The following PTPN18 variants were observed in gnomAD, a reference collection of about 807,000 sequenced individuals.
The protein encoded by PTPN18 is protein tyrosine phosphatase non-receptor type 18.
PTPN18 carries 65 observed loss-of-function variants against 65.4 expected under a neutral mutation model. The observed-to-expected ratio is 0.99, with a 90% confidence interval of 0.81 to 1.22. PTPN18 has a LOEUF of 1.22. PTPN18 is among the 50% of genes most tolerant of loss of function. PTPN18 has a pLI of 0.00. For missense variants in PTPN18, 616 were observed against 646.5 expected, an observed-to-expected ratio of 0.95 and a Z score of 0.51; for synonymous variants, 255 against 267.8, an observed-to-expected ratio of 0.95 and a Z score of 0.47.
intron 13 of PTPN18, 77 bp from the exon 14 acceptor site, chr2:130,372,796 G>T: frequency 6.5e-7 from 1 of 1,537,150 alleles, no homozygotes; most frequent in Non-Finnish European, 8.9e-7. Context: ...CTCCGGGGAA[G>T]CGTCCCCGCT....
chr2:130,363,276 G>A lies in PTPN18; in HGVS notation c.414+3630G>A, dbSNP rs562080605. Among the ~76,000 whole-genome samples the A allele has an allele frequency of 2.2e-4, 33 of 151,204 alleles. 1 individual carries two copies. The highest frequency in any genetic ancestry group is 7.8e-4 in the African/African-American group (32 of 41,276). ...ATCCTGGCCAACATAGTGAAACCCC[G>A]TCTCTACTAAAAATACAAACATTAG... On this transcript the variant is annotated intron_variant, in intron 5 of 14. Coordinates refer to ENST00000175756, the MANE Select transcript of PTPN18 (RefSeq NM_014369.4).
In PTPN18 at chr2:130,373,064, G is replaced by T; in HGVS notation, c.1316-93G>T. 3.2e-6 allele frequency: 5 copies of T among 1,541,698 alleles called. No homozygotes were observed. On this transcript the variant is annotated intron_variant, in intron 14 of 14. Coordinates refer to ENST00000175756, the MANE Select transcript of PTPN18 (RefSeq NM_014369.4). This position sits in a 1 kb window ranked among gnomAD's most constrained non-coding sequence, Gnocchi z 4.1. ...GGATGTGGCTGCAGTGAACCAGGAG[G>T]ACCTGGAGGCGGGGGGATGGCCTTC... is the stretch of plus-strand genomic sequence containing the variant.
intron 5 of PTPN18, among the ~76,000 whole-genome samples, chr2:130,367,254 A>C (rs974074799): frequency 6.6e-6 from 1 of 151,994 alleles, no homozygotes. Context: ...CATTTGTCTG[A>C]AAAGGTTTTC....
intron 1 of PTPN18, among the ~76,000 whole-genome samples, chr2:130,357,312 G>A (rs533473312): frequency 6.6e-6 from 1 of 152,372 alleles, no homozygotes; most frequent in South Asian, 2.1e-4. Context: ...GTACATTACA[G>A]TTGATGACGT....
chr2:130,370,483 C>T (rs939943822), intron 8 of PTPN18, 74 bp from the exon 9 acceptor site: 3 of 1,547,278 alleles, frequency 1.9e-6, no homozygotes, highest in African/African-American at 2.7e-5. Context: ...GACCCTCACC[C>T]CCATCCCCAA....
intron 12 of PTPN18, among the ~76,000 whole-genome samples, chr2:130,371,830 A>G (rs1044941928): frequency 1.3e-5 from 2 of 152,092 alleles, no homozygotes; most frequent in African/African-American, 4.8e-5. Context: ...AACAACAAAA[A>G]AAATTCAGCA....
intron 5 of PTPN18, among the ~76,000 whole-genome samples, chr2:130,364,954 G>A (rs748945322): frequency 6.6e-6 from 1 of 152,128 alleles, no homozygotes. Flanking sequence ...ACCATTTTAC[G>A]TTCCCATCAG....
chr2:130,364,266 C>G (rs1680316836), intron 5 of PTPN18, among the ~76,000 whole-genome samples: 1 of 151,364 alleles, frequency 6.6e-6, no homozygotes, highest in Non-Finnish European at 1.5e-5. Flanking sequence ...CCTTTCTGTC[C>G]CTATGAATTT....
At chr2:130,363,106 A>T (rs1247187068) in intron 5 of PTPN18, among the ~76,000 whole-genome samples, 1 of 149,234 alleles carries the variant, frequency 6.7e-6, no homozygotes, top group African/African-American at 2.4e-5. Context: ...GGCATGAGCC[A>T]CCGTGCCCGG....
chr2:130,370,006 T>G, intron 7 of PTPN18, 42 bp from the exon 8 acceptor site: 2 of 1,606,530 alleles, frequency 1.2e-6, no homozygotes, highest in Non-Finnish European at 1.7e-6. Context: ...GCTTTTTTCT[T>G]TTTTTTCCTA....
rs1164644080 is a variant in PTPN18, at chr2:130,372,655, CT to C, written c.1240+173del. The C allele has an allele frequency of 5.8e-6, 6 of 1,033,038 alleles. No homozygotes were observed. In the Admixed American group the frequency reaches 1.5e-4, roughly 25 times the overall value. The allele number at this position is 1,033,038 out of a possible 1,614,324, so 64.0% of individuals were successfully genotyped here. A position where few individuals can be genotyped will look rare whatever the true frequency, so the allele number is the denominator to read the frequency against. On this transcript the variant is annotated intron_variant, in intron 13 of 14. Coordinates refer to ENST00000175756, the MANE Select transcript of PTPN18 (RefSeq NM_014369.4). ...CCTGGCCACGCCCCGGAAGCGCCCC[CT>C]GGCGGTCGCAGTCGCGGTCCAGGGG... is the stretch of plus-strand genomic sequence containing the variant.
intron 5 of PTPN18, among the ~76,000 whole-genome samples, chr2:130,367,679 A>T (rs1027448276): frequency 1.6e-4 from 24 of 151,466 alleles, no homozygotes; most frequent in South Asian, 6.3e-4. Context: ...TCAAAAAAAA[A>T]TTTTTTTTTC....
chr2:130,359,110 G>C, intron 2 of PTPN18, 123 bp from the exon 3 acceptor site: 1 of 1,464,832 alleles, frequency 6.8e-7, no homozygotes, highest in East Asian at 2.3e-5. Context: ...CAGCCCACAA[G>C]GGCACCTTGG....
intron 5 of PTPN18, among the ~76,000 whole-genome samples, chr2:130,363,850 A>C (rs1335787338): frequency 6.6e-6 from 1 of 152,074 alleles, no homozygotes; most frequent in East Asian, 1.9e-4. Flanking sequence ...ATTTTGAGGA[A>C]GTGCCAAACT....
At chr2:130,371,348 T>C in intron 12 of PTPN18, 61 bp downstream of exon 12, 1 of 1,377,116 alleles carries the variant, frequency 7.3e-7, no homozygotes, top group Admixed American at 1.9e-5. Flanking sequence ...CCCTTCTTCA[T>C]CCTTGGAACA....
Position 130,361,557 on chromosome 2 carries a change from TCTTTCTTTCCTTTCTTTC to T in PTPN18, c.414+1930_414+1947del, listed in dbSNP as rs1553458554. ...TTCTTTCTTTCTTTCTTTCTTTCTT[TCTTTCTTTCCTTTCTTTC>T]CTTTCTTTCCTTTCTTTCTTTCTGT... On this transcript the variant is annotated intron_variant, in intron 5 of 14. Coordinates refer to ENST00000175756, the MANE Select transcript of PTPN18 (RefSeq NM_014369.4). 6.4e-3 allele frequency among the ~76,000 whole-genome samples: 500 copies of T among 78,498 alleles called. 1 individual carries two copies. The highest frequency in any genetic ancestry group is 0.02 in the African/African-American group (454 of 23,034). 51.5% of individuals were successfully genotyped at this position (78,498 alleles called of 152,430 possible).
chr2:130,370,311 C>G (rs1364513454), intron 8 of PTPN18, 121 bp downstream of exon 8: 1 of 1,416,362 alleles, frequency 7.1e-7, no homozygotes, highest in Admixed American at 1.9e-5. Context: ...CTTGCTCACC[C>G]TCCATGGACT....
In PTPN18 at chr2:130,373,326, C is replaced by T; in HGVS notation, c.*102C>T. On this transcript the variant is annotated 3_prime_UTR_variant, in exon 15 of 15. Transcript: ENST00000175756. This position sits in a 1 kb window ranked among gnomAD's most constrained non-coding sequence, Gnocchi z 4.1. ...CAGAATGGAAACAGTGGGCCTGGAT[C>T]AAAGTTAAAGTTTCTCAGGGTGGGA... 3 of 1,213,306 alleles carry T rather than the reference C, an allele frequency of 2.5e-6. No individual in the cohort carries two copies. The highest frequency in any genetic ancestry group is 3.4e-6 in the Non-Finnish European group (3 of 891,740). The allele number at this position is 1,213,306 out of a possible 1,614,324, so 75.2% of individuals were successfully genotyped here.
chr2:130,370,803 T>A (rs1558847211), intron 10 of PTPN18, 21 bp downstream of exon 10: 1 of 1,613,192 alleles, frequency 6.2e-7, no homozygotes, highest in Non-Finnish European at 8.5e-7. Flanking sequence ...GGTCTCCTAA[T>A]CTTCAGGGAC....
Sources: allele counts gnomAD v4.1 joint callset (sites outside exome capture counted in the v4.1 genomes callset), GRCh38; gene constraint gnomAD v4.1.1; non-coding constraint Gnocchi (gnomAD v3.1); transcripts MANE v1.5; gene names NCBI Gene and HGNC (gene_info 2026-07-23, HGNC 2026-07-21).